Variants in HPN observed in about 807,000 individuals in gnomAD.
HPN encodes hepsin.
In HPN, 13 loss-of-function variants were observed where a neutral mutation model predicts 55.9. That is an observed-to-expected ratio of 0.23 (90% CI 0.15 to 0.37). HPN has a LOEUF of 0.37. HPN is among the 10% of genes least tolerant of loss of function. HPN has a pLI of 1.00. For synonymous variants in HPN, 225 were observed against 240.3 expected (o/e 0.94, Z 0.59); for missense variants, 451 against 575.8 (o/e 0.78, Z 2.22).
chr19:35,046,962 G>A (rs2064348028), intron 2 of HPN, among the ~76,000 whole-genome samples: 1 of 152,136 alleles, frequency 6.6e-6, no homozygotes, highest in Non-Finnish European at 1.5e-5. Context: ...CCGAGTAGCT[G>A]GGATTACAGG....
At chr19:35,055,092 T>C (rs1280171470) in intron 4 of HPN, among the ~76,000 whole-genome samples, 1 of 152,184 alleles carries the variant, frequency 6.6e-6, no homozygotes, top group Admixed American at 6.5e-5. Flanking sequence ...GGAGGATTGC[T>C]TGAGGCCAGG....
At chr19:35,047,946 C>T (rs564013374) in intron 2 of HPN, among the ~76,000 whole-genome samples, 26 of 148,426 alleles carry the variant, frequency 1.8e-4, no homozygotes, top group African/African-American at 4.2e-4. Flanking sequence ...GCCATGATCG[C>T]GCCGCTGCAC....
rs376506631 is a variant in HPN at position 35,065,329 on chromosome 19, C to T, written c.891C>T (p.Gly297=). The T allele has an allele frequency of 3.1e-6, 5 of 1,613,710 alleles. No individual in the cohort carries two copies. Among genetic ancestry groups the T allele is most frequent in the Admixed American group, 1.7e-5 (1 of 59,986 alleles). The change falls in exon 10 of 13, where the codon GGC becomes GGT. Residue 297 remains glycine (G), a synonymous_variant. Transcript: ENST00000672452. ...AGATCTGTACCGTGACGGGCTGGGG[C>T]AACACGCAGTACTATGGTGAGTCCT... The part of the protein sequence containing the change: ...DGKICTVTGW[G]NTQYYGQQAG...
chr19:35,048,028 A>AAAAGAAAGAAAGAAAGAAAG (rs1555722914), intron 2 of HPN, among the ~76,000 whole-genome samples: 24 of 87,450 alleles, frequency 2.7e-4, no homozygotes, highest in South Asian at 1.2e-3. Flanking sequence ...GAGAGAGAGA[A>AAAAGAAAGAAAGAAAGAAAG]AAAGAAAGAA....
Position 35,066,437 on chromosome 19 carries a change from C to G in HPN, c.*150C>G, listed in dbSNP as rs375110978. ...TCCAGGGTCCTCTCTTCCACAGTGGCGGGCCCACTCAGCCCCGAGACCACC... is the reference window on the plus strand; with the variant it reads ...TCCAGGGTCCTCTCTTCCACAGTGGGGGGCCCACTCAGCCCCGAGACCACC... On this transcript the variant is annotated 3_prime_UTR_variant, in exon 13 of 13. Transcript: ENST00000672452. 9.3e-7 allele frequency: 1 copy of G among 1,069,874 alleles called. No homozygotes were observed. The highest frequency in any genetic ancestry group is 1.3e-6 in the Non-Finnish European group (1 of 752,272). The allele number at this position is 1,069,874 out of a possible 1,614,324, so 66.3% of individuals were successfully genotyped here. A position where few individuals can be genotyped will look rare whatever the true frequency, so the allele number is the denominator to read the frequency against.
chr19:35,048,436 A>G (rs546828394), intron 2 of HPN, among the ~76,000 whole-genome samples: 124 of 152,388 alleles, frequency 8.1e-4, no homozygotes, highest in Non-Finnish European at 1.6e-3. Context: ...GGAGGCATCA[A>G]TACAATTTGA....
chr19:35,060,583 T>C, intron 8 of HPN, 44 bp from the exon 9 acceptor site: 1 of 1,612,174 alleles, frequency 6.2e-7, no homozygotes, highest in Middle Eastern at 1.7e-4. Flanking sequence ...GGAGGGCGGA[T>C]TGTGCCCAGG....
chr19:35,042,333 G>A (rs947725150), intron 1 of HPN, 120 bp from the exon 2 acceptor site: 23 of 1,419,058 alleles, frequency 1.6e-5, no homozygotes, highest in East Asian at 5.3e-5. Flanking sequence ...TGATCACGGC[G>A]TGCTCTGGCC....
chr19:35,044,907 A>G (rs1278401126), intron 2 of HPN, among the ~76,000 whole-genome samples: 2 of 151,838 alleles, frequency 1.3e-5, no homozygotes, highest in Non-Finnish European at 2.9e-5. Context: ...GCAGATGGAG[A>G]GAAAGAAGGA....
Position 35,066,403 on chromosome 19 carries a change from C to T in HPN, c.*116C>T. The stretch of plus-strand genomic sequence containing the variant: ...TGGGCCCGGTCCACAGGTCCAAGGA[C>T]ACCCTCCCTCCAGGGTCCTCTCTTC... On this transcript the variant is annotated 3_prime_UTR_variant, in exon 13 of 13. Transcript: ENST00000672452. 2.9e-6 allele frequency: 4 copies of T among 1,392,522 alleles called. No individual in the cohort carries two copies. The Admixed American group carries it at 6.1e-5, about 21-fold the overall frequency. 86.3% of individuals were successfully genotyped at this position (1,392,522 alleles called of 1,614,324 possible). A position where few individuals can be genotyped will look rare whatever the true frequency, so the allele number is the denominator to read the frequency against.
At position 35,059,641 on chromosome 19, in the gene HPN, C is replaced by T. The variant is rs773493498; in HGVS notation, c.161-32C>T. The stretch of plus-strand genomic sequence containing the variant: ...GCATGTGGGGAGCCTGGCTGTGGGA[C>T]CCAGGCGGCCCCGGGCCCTGTCGCC... On this transcript the variant is annotated intron_variant, in intron 4 of 12. Coordinates refer to ENST00000672452, the MANE Select transcript of HPN (RefSeq NM_001384133.1). The T allele has an allele frequency of 7.6e-6, 12 of 1,570,378 alleles. 1 individual carries two copies. In the South Asian group the frequency reaches 1.4e-4, roughly 18 times the overall value.
chr19:35,050,554 G>A (rs917371421), intron 4 of HPN: 26 of 1,275,158 alleles, frequency 2.0e-5, no homozygotes, highest in African/African-American at 3.1e-5. Context: ...GGAATGAATG[G>A]CCACACAAAT....
chr19:35,047,720 G>A (rs1475906490), intron 2 of HPN, among the ~76,000 whole-genome samples: 12 of 151,998 alleles, frequency 7.9e-5, no homozygotes, highest in East Asian at 1.9e-4. Context: ...AGGGTCAGGC[G>A]CGGTGGCTCA....
intron 4 of HPN, among the ~76,000 whole-genome samples, chr19:35,054,859 C>A (rs965869433): frequency 2.0e-5 from 3 of 152,142 alleles, no homozygotes; most frequent in Non-Finnish European, 4.4e-5. Flanking sequence ...ACTTGGAAGT[C>A]TTGCTTCTCC....
chr19:35,042,196 C>T, intron 1 of HPN: 10 of 1,250,934 alleles, frequency 8.0e-6, no homozygotes, highest in Non-Finnish European at 8.1e-6. Context: ...CTCCCTCAAA[C>T]CGGGATCCTC....
At chr19:35,041,705 A>AC, upstream of HPN, 1 of 182,770 alleles carries the variant, frequency 5.5e-6, no homozygotes. Context: ...CCCCTCGCCC[A>AC]GCCCCCTCCT....
At chr19:35,064,768 C>T (rs1430729678) in intron 9 of HPN, among the ~76,000 whole-genome samples, 3 of 152,002 alleles carry the variant, frequency 2.0e-5, no homozygotes, top group Non-Finnish European at 2.9e-5. Flanking sequence ...TGCAGGAAGG[C>T]GCCTAGTATG....
upstream of HPN, chr19:35,041,685 C>CCCGAAA: frequency 1.8e-6 from 2 of 1,090,548 alleles, no homozygotes; most frequent in Non-Finnish European, 2.3e-6. Flanking sequence ...CCTCCCCGCC[C>CCCGAAA]CTTCACCCGC....
At position 35,042,513 on chromosome 19, in the gene HPN, C is replaced by G; in HGVS notation, c.7C>G (p.Gln3Glu). The G allele has an allele frequency of 6.2e-7, 1 of 1,609,600 alleles. No homozygotes were observed. The change falls in exon 2 of 13, where the codon CAG becomes GAG. Residue 3 changes from glutamine (Q) to glutamate (E), a missense_variant. Gln to Glu is a conservative substitution (Grantham distance 29, BLOSUM62 2). Coordinates refer to ENST00000672452, the MANE Select transcript of HPN (RefSeq NM_001384133.1). The part of the protein sequence containing the change: MA[Q>E]KEGGRTVPCC... Reference sequence around the variant, plus strand: ...ATTAACAAGAGGCAGTGACATGGCGCAGAAGGAGGGTGAGTCCCCTTCCCT... The same window carrying G: ...ATTAACAAGAGGCAGTGACATGGCGGAGAAGGAGGGTGAGTCCCCTTCCCT...
Sources: gnomAD v4.1 joint callset for allele counts (sites outside exome capture counted in the v4.1 genomes callset) on GRCh38, gnomAD v4.1.1 for gene constraint, MANE v1.5 for transcripts, NCBI Gene and HGNC (gene_info 2026-07-23, HGNC 2026-07-21) for gene names.